The following SYNE1 variants were observed in gnomAD, a reference collection of about 807,000 sequenced individuals.
SYNE1 encodes spectrin repeat containing nuclear envelope protein 1, also known as nesprin-1.
SYNE1 carries 616 observed loss-of-function variants against 1,111.0 expected under a neutral mutation model. The observed-to-expected ratio is 0.55, with a 90% CI of 0.52 to 0.59. The LOEUF (loss-of-function observed/expected upper bound fraction) is 0.59, where lower values mean the gene tolerates loss of function less well. Ranked by LOEUF, SYNE1 falls within the 20% of genes least tolerant of loss-of-function variation. The probability of loss-of-function intolerance (pLI) is 0.00; values close to 1 mark genes in which losing one functional copy is unlikely to be tolerated. For synonymous variants in SYNE1, 3,855 were observed against 3,825.8 expected (o/e 1.01, Z -0.28); for missense variants, 10,006 against 10,417.0 (o/e 0.96, Z 1.72).
intron 11 of SYNE1, among the ~76,000 whole-genome samples, chr6:152,496,351 G>A (rs547589020): frequency 6.6e-6 from 1 of 152,282 alleles, no homozygotes; most frequent in African/African-American, 2.4e-5. Flanking sequence ...CTCAAGGATA[G>A]AGTCCAAAAA....
chr6:152,353,661 G>T lies in SYNE1; in HGVS notation c.11010C>A (p.His3670Gln), dbSNP rs143673038. 3.1e-6 allele frequency: 5 copies of T among 1,614,032 alleles called. No individual in the cohort carries two copies. Among genetic ancestry groups the T allele is most frequent in the Non-Finnish European group, 4.2e-6 (5 of 1,180,036 alleles). Residue 3670 changes from histidine to glutamine, a missense_variant, in exon 68 of 146, where the codon CAC becomes CAA. Physicochemically the swap from His to Gln is conservative, Grantham distance 24 (BLOSUM62 0). Transcript: ENST00000367255. ...ARAQEILDES[H>Q]VNSRMGCQAT... Reference sequence around the variant, plus strand: ...CCTGGCAACCCATTCTGCTGTTCACGTGGCTCTCGTCCAGTATCTCCTGAG... The same window carrying T: ...CCTGGCAACCCATTCTGCTGTTCACTTGGCTCTCGTCCAGTATCTCCTGAG...
At chr6:152,503,271 C>G (rs1354415467) in intron 9 of SYNE1, among the ~76,000 whole-genome samples, 1 of 152,122 alleles carries the variant, frequency 6.6e-6, no homozygotes, top group Non-Finnish European at 1.5e-5. Flanking sequence ...AAGGCAGATG[C>G]CTTATATTCA....
chr6:152,227,613 A>G (rs1186543543), intron 115 of SYNE1, among the ~76,000 whole-genome samples: 1 of 152,130 alleles, frequency 6.6e-6, no homozygotes, highest in African/African-American at 2.4e-5. Context: ...GAACTTTTCT[A>G]TTTCTGTAAA....
Position 152,313,734 on chromosome 6 carries a change from A to G in SYNE1, c.16711-2861T>C, listed in dbSNP as rs542215764. Reference sequence around the variant, plus strand: ...CCCTCTTGGCCTCTCAAAGAACACAATGGCTTTTCTCACAGTGCACTCTTT... The same window carrying G: ...CCCTCTTGGCCTCTCAAAGAACACAGTGGCTTTTCTCACAGTGCACTCTTT... On this transcript the variant is annotated intron_variant, in intron 87 of 145. Coordinates refer to ENST00000367255, the MANE Select transcript of SYNE1 (RefSeq NM_182961.4). 3.4e-4 allele frequency among the ~76,000 whole-genome samples: 51 copies of G among 152,196 alleles called. 2 individuals are homozygous for G. The South Asian group carries it at 9.5e-3, about 28-fold the overall frequency.
intron 116 of SYNE1, among the ~76,000 whole-genome samples, chr6:152,225,258 A>G (rs1012274277): frequency 6.7e-6 from 1 of 148,258 alleles, no homozygotes; most frequent in Non-Finnish European, 1.5e-5. Context: ...AACAATATCC[A>G]TATCTATCTC....
At chr6:152,190,433 T>C (rs1404723843) in intron 127 of SYNE1, among the ~76,000 whole-genome samples, 2 of 152,194 alleles carry the variant, frequency 1.3e-5, no homozygotes, top group East Asian at 1.9e-4. Flanking sequence ...ATCATGAATG[T>C]TGCTTTTGTG....
At chr6:152,156,569 C>T (rs1318367788) in intron 131 of SYNE1, among the ~76,000 whole-genome samples, 2 of 152,182 alleles carry the variant, frequency 1.3e-5, no homozygotes, top group Non-Finnish European at 2.9e-5. Flanking sequence ...TCCTTCCATA[C>T]ACTTTAAATC....
chr6:152,343,514 ATTTTATTTTTTAT>A (rs2096576834), intron 74 of SYNE1, among the ~76,000 whole-genome samples: 1 of 125,666 alleles, frequency 8.0e-6, no homozygotes, highest in Non-Finnish European at 1.7e-5. Context: ...TTATTCTTTT[ATTTTATTTTTTAT>A]TTTTATTTTT....
intron 4 of SYNE1, among the ~76,000 whole-genome samples, chr6:152,536,151 C>T (rs1323835721): frequency 6.6e-6 from 1 of 151,254 alleles, no homozygotes; most frequent in African/African-American, 2.4e-5. Flanking sequence ...TTGATTTCTT[C>T]TCTCATTCTG....
At chr6:152,428,831 C>T (rs1284691606) in intron 36 of SYNE1, among the ~76,000 whole-genome samples, 18 of 152,012 alleles carry the variant, frequency 1.2e-4, no homozygotes, top group Admixed American at 1.1e-3. Context: ...AAGAAAGTGA[C>T]TTCATAAATA....
chr6:152,546,019 A>G (rs1345111471), intron 3 of SYNE1: 1 of 152,208 alleles, frequency 6.6e-6, no homozygotes, highest in African/African-American at 2.4e-5. Flanking sequence ...AAATGACGTG[A>G]ATACAAAGGG....
In SYNE1 at chr6:152,354,991, G is replaced by T. The variant is rs750239221; in HGVS notation, c.10609-15C>A. 6 of 1,612,738 alleles carry T rather than the reference G, an allele frequency of 3.7e-6. No individual in the cohort carries two copies. Among genetic ancestry groups the T allele is most frequent in the Non-Finnish European group, 5.1e-6 (6 of 1,180,012 alleles). On this transcript the variant is annotated splice_polypyrimidine_tract_variant and intron_variant, in intron 66 of 145. Transcript: ENST00000367255. ...ACCTGTAGCTCCTGCAGAGAAAAAG[G>T]TATGGCTGTCACTCTCAATCATATT...
At chr6:152,443,437 T>G (rs2098550604) in intron 30 of SYNE1, among the ~76,000 whole-genome samples, 1 of 152,130 alleles carries the variant, frequency 6.6e-6, no homozygotes, top group Non-Finnish European at 1.5e-5. Flanking sequence ...GCTAATTTTT[T>G]GTATATTTAG....
At chr6:152,314,921 TGA>T (rs758883153) in intron 87 of SYNE1, among the ~76,000 whole-genome samples, 58,874 of 127,384 alleles carry the variant, frequency 0.46, 13,515 homozygotes, top group Admixed American at 0.57. Flanking sequence ...ACTGCAATGA[TGA>T]CGAGGTTGCA....
chr6:152,212,140 A>G (rs993682406), intron 123 of SYNE1, among the ~76,000 whole-genome samples: 1 of 152,178 alleles, frequency 6.6e-6, no homozygotes, highest in Non-Finnish European at 1.5e-5. Flanking sequence ...CAATTCACAT[A>G]CCATACAATT....
At chr6:152,280,351 C>A (rs1367687578) in intron 97 of SYNE1, among the ~76,000 whole-genome samples, 1 of 152,196 alleles carries the variant, frequency 6.6e-6, no homozygotes, top group South Asian at 2.1e-4. Context: ...GTCCAACCCA[C>A]GGACCATGGG....
intron 79 of SYNE1, 51 bp from the exon 80 acceptor site, chr6:152,326,153 T>C: frequency 6.2e-7 from 1 of 1,614,016 alleles, no homozygotes; most frequent in Non-Finnish European, 8.5e-7. Context: ...CACGTATTTC[T>C]ACACGAAGCT....
At chr6:152,166,743 T>C (rs753832187) in intron 130 of SYNE1, among the ~76,000 whole-genome samples, 1 of 152,332 alleles carries the variant, frequency 6.6e-6, no homozygotes, top group East Asian at 1.9e-4. Flanking sequence ...ATTTAAGCAG[T>C]TCTTTTTCAT....
In SYNE1 at chr6:152,238,254, C is replaced by A. The variant is rs9397089; in HGVS notation, c.20067+1279G>T. ...TCATGGAGAAACACACATTTCAGGTCGTGAAGTCAGACAGATGAAGGTGTG... is the reference window on the plus strand; with the variant it reads ...TCATGGAGAAACACACATTTCAGGTAGTGAAGTCAGACAGATGAAGGTGTG... On this transcript the variant is annotated intron_variant, in intron 108 of 145. Transcript: ENST00000367255. Among the ~76,000 whole-genome samples the A allele has an allele frequency of 0.73, 110,796 of 152,030 alleles. 40,771 individuals carry two copies. The highest frequency in any genetic ancestry group is 0.89 in the East Asian group (4,622 of 5,170).
Sources: allele counts gnomAD v4.1 joint callset (sites outside exome capture counted in the v4.1 genomes callset), GRCh38; gene constraint gnomAD v4.1.1; transcripts MANE v1.5; gene names NCBI Gene and HGNC (gene_info 2026-07-23, HGNC 2026-07-21).